The following ZNF831 variants were observed in gnomAD, a reference collection of about 807,000 sequenced individuals.
ZNF831 encodes the protein zinc finger protein 831, also known as chromosome 20 open reading frame 174.
A neutral mutation model predicts 95.8 loss-of-function variants in ZNF831; 59 were observed. The observed-to-expected ratio is 0.62, with a 90% confidence interval of 0.50 to 0.77. The LOEUF is 0.77. Ranked by LOEUF, ZNF831 falls within the 30% of genes least tolerant of loss-of-function variation. The probability of loss-of-function intolerance (pLI) is 0.00; values close to 1 mark genes in which losing one functional copy is unlikely to be tolerated. For missense variants in ZNF831, 2,205 were observed against 2,164.0 expected, an observed-to-expected ratio of 1.02 and a Z score of -0.38; for synonymous variants, 961 against 925.5, an observed-to-expected ratio of 1.04 and a Z score of -0.70.
At chr20:59,183,625 A>C (rs1982789584) in intron 1 of ZNF831, among the ~76,000 whole-genome samples, 1 of 152,256 alleles carries the variant, frequency 6.6e-6, no homozygotes. Flanking sequence ...GCAGTAGGCA[A>C]AACATGACAT....
In ZNF831 at chr20:59,179,090, A is replaced by G. The variant is rs1982401646; in HGVS notation, c.-36-11894A>G. On this transcript the variant is annotated intron_variant, in intron 1 of 5. Transcript: ENST00000371030. ...TCCCACTAGTTGTCCCCACCCTGGC[A>G]CACTGTGAGCTCCACGACAGACTCT... Among the ~76,000 whole-genome samples the G allele has an allele frequency of 2.6e-5, 4 of 152,148 alleles. No individual in the cohort carries two copies. The South Asian group carries it at 8.3e-4, about 31-fold the overall frequency.
chr20:59,210,893 C>T (rs985927394), intron 4 of ZNF831, among the ~76,000 whole-genome samples: 1 of 79,336 alleles, frequency 1.3e-5, no homozygotes, highest in Non-Finnish European at 2.4e-5. Context: ...ATTAGCCGGG[C>T]GCGGTGGCGG....
In ZNF831 at chr20:59,195,947, A is replaced by G. The variant is rs1437769257; in HGVS notation, c.3817A>G (p.Arg1273Gly). The G allele has an allele frequency of 6.2e-7, 1 of 1,614,172 alleles. No individual in the cohort carries two copies. Among genetic ancestry groups the G allele is most frequent in the Middle Eastern group, 1.6e-4 (1 of 6,062 alleles). The change falls in exon 3 of 6, where the codon AGG becomes GGG. Residue 1273 changes from arginine (R) to glycine (G), a missense_variant. Coordinates refer to ENST00000371030, the MANE Select transcript of ZNF831 (RefSeq NM_178457.3). ...EPEWKKGLPW[R>G]AKMSRGNSKQ... Reference sequence around the variant, plus strand: ...AGAATGGAAGAAAGGCCTGCCTTGGAGGGCAAAGATGTCTCGTGGGAACAG... The same window carrying G: ...AGAATGGAAGAAAGGCCTGCCTTGGGGGGCAAAGATGTCTCGTGGGAACAG...
intron 3 of ZNF831, among the ~76,000 whole-genome samples, chr20:59,200,608 C>G (rs538648087): frequency 6.6e-6 from 1 of 152,210 alleles, no homozygotes; most frequent in East Asian, 1.9e-4. Flanking sequence ...TCCTCCTATC[C>G]TTTTGTAATT....
At position 59,192,536 on chromosome 20, in the gene ZNF831, C is replaced by A; in HGVS notation, c.1517C>A (p.Ser506Ter). 2 of 1,528,300 alleles carry A rather than the reference C, an allele frequency of 1.3e-6. No individual in the cohort carries two copies. The highest frequency in any genetic ancestry group is 8.8e-7 in the Non-Finnish European group (1 of 1,139,972). 94.7% of individuals were successfully genotyped at this position (1,528,300 alleles called of 1,614,324 possible). The change falls in exon 2 of 6, where the codon TCG becomes TAG. Residue 506 changes from serine to a stop codon, truncating the protein, a stop_gained. Coordinates refer to ENST00000371030, the MANE Select transcript of ZNF831 (RefSeq NM_178457.3). LOFTEE classifies it high-confidence loss of function. This position sits in a 1 kb window ranked among gnomAD's most constrained non-coding sequence, Gnocchi z 5.2. ...VECVPVTRSN[S>*]LPFVEGSRTW... ...TGTGTCCCCGTCACCAGGAGCAACT[C>A]GCTGCCCTTCGTCGAGGGCTCCAGG...
chr20:59,240,728 G>C (rs561471301), intron 4 of ZNF831, among the ~76,000 whole-genome samples: 45 of 152,246 alleles, frequency 3.0e-4, no homozygotes, highest in African/African-American at 9.9e-4. Context: ...CGTGAACCCG[G>C]GAGGCGGAGC....
chr20:59,129,967 A>G lies in ZNF831; in HGVS notation c.-1425+6462A>G, dbSNP rs143999143. Among the ~76,000 whole-genome samples the G allele has an allele frequency of 6.6e-5, 10 of 152,338 alleles. No homozygotes were observed. In the South Asian group the frequency reaches 1.5e-3, roughly 22 times the overall value. Reference sequence around the variant, plus strand: ...TTATCCTATTAACTAGACTCAGACCATATGCAGACTTCAGGATTCCTGATG... The same window carrying G: ...TTATCCTATTAACTAGACTCAGACCGTATGCAGACTTCAGGATTCCTGATG... On this transcript the variant is annotated intron_variant, in intron 1 of 7. Transcript: ENST00000637017.
chr20:59,131,299 G>A (rs780086722), intron 1 of ZNF831, among the ~76,000 whole-genome samples: 16 of 152,114 alleles, frequency 1.1e-4, no homozygotes, highest in Non-Finnish European at 1.9e-4. Context: ...TGATGTCCTC[G>A]GAGGACAGGA....
At chr20:59,197,678 T>C (rs984549275) in intron 3 of ZNF831, among the ~76,000 whole-genome samples, 3 of 152,188 alleles carry the variant, frequency 2.0e-5, no homozygotes, top group African/African-American at 4.8e-5. Context: ...GACAGAAGCC[T>C]GACTCAAGGT....
chr20:59,189,808 G>A (rs1172190228), intron 1 of ZNF831, among the ~76,000 whole-genome samples: 9 of 152,246 alleles, frequency 5.9e-5, no homozygotes. Context: ...ACCATGTCCA[G>A]CTGTGCTACT....
At chr20:59,184,491 G>C (rs547381538) in intron 1 of ZNF831, among the ~76,000 whole-genome samples, 2 of 151,926 alleles carry the variant, frequency 1.3e-5, no homozygotes, top group South Asian at 4.2e-4. Flanking sequence ...ACAGTTCAGT[G>C]GCATGAAGTG....
At chr20:59,201,787 T>C (rs1469718500) in intron 3 of ZNF831, among the ~76,000 whole-genome samples, 1 of 152,220 alleles carries the variant, frequency 6.6e-6, no homozygotes, top group African/African-American at 2.4e-5. Context: ...CTGAGACTTA[T>C]TATAAAGCTA....
Position 59,217,162 on chromosome 20 carries a change from C to CTGTGTGTGTGTGTGTG in ZNF831, c.4027+10124_4027+10139dup, listed in dbSNP as rs201079519. 0.014 allele frequency among the ~76,000 whole-genome samples: 2,081 copies of CTGTGTGTGTGTGTGTG among 148,702 alleles called. 38 individuals are homozygous for CTGTGTGTGTGTGTGTG. Among genetic ancestry groups the CTGTGTGTGTGTGTGTG allele is most frequent in the East Asian group, 0.037 (187 of 5,004 alleles). On this transcript the variant is annotated intron_variant, in intron 4 of 5. Coordinates refer to ENST00000371030, the MANE Select transcript of ZNF831 (RefSeq NM_178457.3). This position sits in a 1 kb window ranked among gnomAD's most constrained non-coding sequence, Gnocchi z 4.4. ...GAGTACATCTGACAGATCTTCATCT[C>CTGTGTGTGTGTGTGTG]TGTGTGTGTGTGTGTGTGTGTGTGT...
intron 2 of ZNF831, among the ~76,000 whole-genome samples, chr20:59,151,860 C>T (rs1004211081): frequency 6.6e-6 from 1 of 152,174 alleles, no homozygotes; most frequent in African/African-American, 2.4e-5. Context: ...GGCTGCCCAG[C>T]CCCTCTGTCT....
chr20:59,183,002 G>T (rs941043937), intron 1 of ZNF831, among the ~76,000 whole-genome samples: 2 of 152,158 alleles, frequency 1.3e-5, no homozygotes, highest in Non-Finnish European at 2.9e-5. Flanking sequence ...TTTCCCTTTG[G>T]GTCCTGGCTG....
chr20:59,235,355 T>G (rs1488717390), intron 4 of ZNF831, among the ~76,000 whole-genome samples: 1 of 152,204 alleles, frequency 6.6e-6, no homozygotes. Context: ...CAAAAGTATC[T>G]GGTACCTGCC....
At chr20:59,156,267 T>TC (rs1418060406) in intron 2 of ZNF831, among the ~76,000 whole-genome samples, 1 of 152,126 alleles carries the variant, frequency 6.6e-6, no homozygotes, top group Non-Finnish European at 1.5e-5. Flanking sequence ...CTGCAATGGC[T>TC]CCCGCCTGTA....
chr20:59,165,012 C>G (rs1981144164), intron 1 of ZNF831, among the ~76,000 whole-genome samples: 1 of 152,210 alleles, frequency 6.6e-6, no homozygotes, highest in East Asian at 1.9e-4. Context: ...TTTAACCACC[C>G]TCGCTTTATT....
chr20:59,129,060 G>A (rs1979267651), intron 1 of ZNF831, among the ~76,000 whole-genome samples: 1 of 152,184 alleles, frequency 6.6e-6, no homozygotes, highest in African/African-American at 2.4e-5. Context: ...CACCGTGCCT[G>A]GCCTATTTTG....
Sources: gnomAD v4.1 joint callset for allele counts (sites outside exome capture counted in the v4.1 genomes callset) on GRCh38, gnomAD v4.1.1 for gene constraint, Gnocchi (gnomAD v3.1) non-coding constraint, MANE v1.5 for transcripts, NCBI Gene and HGNC (gene_info 2026-07-23, HGNC 2026-07-21) for gene names.